The following PRKCB variants were observed in gnomAD, a reference collection of about 807,000 sequenced individuals.
PRKCB encodes protein kinase C beta type.
In PRKCB, 13 loss-of-function variants were observed where a neutral mutation model predicts 81.5. The observed-to-expected ratio is 0.16, with a 90% CI of 0.10 to 0.25. The LOEUF (loss-of-function observed/expected upper bound fraction) is 0.25. Among genes scored for constraint, PRKCB ranks in the 10% least tolerant of loss-of-function variants. PRKCB has a pLI of 1.00. For missense variants in PRKCB, 509 were observed against 875.7 expected, an observed-to-expected ratio of 0.58 and a Z score of 5.29; for synonymous variants, 335 against 321.4, an observed-to-expected ratio of 1.04 and a Z score of -0.45.
intron 5 of PRKCB, among the ~76,000 whole-genome samples, chr16:24,054,979 C>T (rs1965886285): frequency 6.6e-6 from 1 of 152,186 alleles, no homozygotes; most frequent in South Asian, 2.1e-4. Flanking sequence ...GTGGATCCTC[C>T]TCCCCCAGGA....
intron 10 of PRKCB, among the ~76,000 whole-genome samples, chr16:24,159,984 C>T (rs1227169073): frequency 6.6e-6 from 1 of 151,806 alleles, no homozygotes; most frequent in Non-Finnish European, 1.5e-5. Flanking sequence ...TACTTTGTCT[C>T]AAAAAATAAA....
intron 5 of PRKCB, among the ~76,000 whole-genome samples, chr16:24,060,944 T>C (rs927596522): frequency 6.6e-6 from 1 of 152,356 alleles, no homozygotes; most frequent in Admixed American, 6.5e-5. Context: ...TTAAGATGCC[T>C]TGTTTAATGT....
At chr16:24,059,738 G>T (rs1018813497) in intron 5 of PRKCB, among the ~76,000 whole-genome samples, 5 of 152,110 alleles carry the variant, frequency 3.3e-5, no homozygotes, top group African/African-American at 1.2e-4. Flanking sequence ...CCGAGTAAAT[G>T]GTCATAGAAG....
At chr16:23,982,429 T>C (rs1036633273) in intron 2 of PRKCB, among the ~76,000 whole-genome samples, 5 of 151,128 alleles carry the variant, frequency 3.3e-5, no homozygotes, top group Non-Finnish European at 5.9e-5. Context: ...TCTCTTTTCT[T>C]TTTTTTCTGG....
In PRKCB at chr16:23,997,344, TACA is replaced by T. The variant is rs557346214; in HGVS notation, c.288+8760_288+8762del. Among the ~76,000 whole-genome samples, 117 of 152,334 alleles carry T rather than the reference TACA, an allele frequency of 7.7e-4. 1 individual carries two copies. In the South Asian group the frequency reaches 0.014, roughly 19 times the overall value. ...CCTGTGATTAAGATCAATGAAAAAC[TACA>T]ACAACTCAATACAGGCAAAACTATG... On this transcript the variant is annotated intron_variant, in intron 3 of 16. Coordinates refer to ENST00000643927, the MANE Select transcript of PRKCB (RefSeq NM_002738.7).
intron 3 of PRKCB, among the ~76,000 whole-genome samples, chr16:24,010,517 T>C (rs981294989): frequency 6.6e-6 from 1 of 152,176 alleles, no homozygotes; most frequent in African/African-American, 2.4e-5. Flanking sequence ...AAATGGGCTT[T>C]CTTTGGAGAG....
chr16:23,946,588 A>G (rs1425221523), intron 2 of PRKCB, among the ~76,000 whole-genome samples: 1 of 150,520 alleles, frequency 6.6e-6, no homozygotes, highest in East Asian at 1.9e-4. Flanking sequence ...ACGTAGTGTC[A>G]GACACATAAT....
chr16:24,219,889 A>C lies in PRKCB; in HGVS notation c.*5073A>C. The C allele has an allele frequency of 4.5e-6, 7 of 1,549,782 alleles. No homozygotes were observed. The highest frequency in any genetic ancestry group is 6.1e-6 in the Non-Finnish European group (7 of 1,145,086). ...GCTCATGAGATGGTATCAGCCACCC[A>C]ATGACTGGCGTATCTTGGTCCTGTG... On this transcript the variant is annotated 3_prime_UTR_variant, in exon 17 of 17. Transcript: ENST00000643927.
chr16:24,040,979 A>G (rs1228059213), intron 5 of PRKCB, among the ~76,000 whole-genome samples: 1 of 152,178 alleles, frequency 6.6e-6, no homozygotes. Flanking sequence ...AGATCAGGCA[A>G]TACAATGTCC....
Position 24,150,455 on chromosome 16 carries a change from C to A in PRKCB, c.1066-4229C>A, listed in dbSNP as rs939386828. ...AATTCAAATTCTTGGGAGGGGGAAT[C>A]CGATTGGCTTGGCTCAGGTTGAGGA... On this transcript the variant is annotated intron_variant, in intron 9 of 16. Coordinates refer to ENST00000643927, the MANE Select transcript of PRKCB (RefSeq NM_002738.7). Among the ~76,000 whole-genome samples, 5 of 152,304 alleles carry A rather than the reference C, an allele frequency of 3.3e-5. No homozygotes were observed. In the East Asian group the frequency reaches 9.6e-4, roughly 29 times the overall value.
intron 2 of PRKCB, among the ~76,000 whole-genome samples, chr16:23,898,361 T>A (rs765217868): frequency 5.3e-5 from 8 of 152,044 alleles, no homozygotes; most frequent in Admixed American, 1.3e-4. Flanking sequence ...GCCACCGCAC[T>A]GGACCCTGTC....
intron 2 of PRKCB, among the ~76,000 whole-genome samples, chr16:23,859,920 G>A (rs2141089406): frequency 6.6e-6 from 1 of 151,600 alleles, no homozygotes; most frequent in South Asian, 2.1e-4. Flanking sequence ...CGAGAGAGTT[G>A]TCAAGGAAGG....
chr16:24,111,535 T>A (rs1247187994), intron 7 of PRKCB, among the ~76,000 whole-genome samples: 1 of 151,756 alleles, frequency 6.6e-6, no homozygotes, highest in Admixed American at 6.6e-5. Flanking sequence ...GCCTATAATC[T>A]CAGCTACTTG....
intron 7 of PRKCB, among the ~76,000 whole-genome samples, chr16:24,101,520 T>C (rs1966508204): frequency 1.3e-5 from 2 of 152,180 alleles, no homozygotes; most frequent in East Asian, 1.9e-4. Context: ...GCCTAGGCAA[T>C]GGAGAAAGAC....
intron 2 of PRKCB, among the ~76,000 whole-genome samples, chr16:23,949,572 A>G (rs1019085245): frequency 6.6e-6 from 1 of 152,076 alleles, no homozygotes; most frequent in African/African-American, 2.4e-5. Context: ...TCTTCAACAA[A>G]TATTTTTGAG....
chr16:24,022,822 T>C (rs1248757921), intron 3 of PRKCB, among the ~76,000 whole-genome samples: 1 of 152,188 alleles, frequency 6.6e-6, no homozygotes, highest in Non-Finnish European at 1.5e-5. Flanking sequence ...TGATAGTTCC[T>C]GACTTAAATA....
intron 2 of PRKCB, among the ~76,000 whole-genome samples, chr16:23,885,037 A>G (rs1679982795): frequency 6.6e-6 from 1 of 151,946 alleles, no homozygotes; most frequent in Non-Finnish European, 1.5e-5. Context: ...GATAATAGTA[A>G]TGCCTACTTT....
At chr16:23,950,654 G>A (rs560435656) in intron 2 of PRKCB, among the ~76,000 whole-genome samples, 3 of 152,296 alleles carry the variant, frequency 2.0e-5, no homozygotes, top group East Asian at 3.9e-4. Context: ...TCCATTATTG[G>A]GTAGAACAGA....
chr16:23,951,195 C>T (rs147073942), intron 2 of PRKCB, among the ~76,000 whole-genome samples: 131 of 152,332 alleles, frequency 8.6e-4, no homozygotes, highest in Non-Finnish European at 1.5e-3. Flanking sequence ...ATGCCCATTC[C>T]CTTGCATCCA....
Sources: allele counts gnomAD v4.1 joint callset (sites outside exome capture counted in the v4.1 genomes callset), GRCh38; gene constraint gnomAD v4.1.1; transcripts MANE v1.5; gene names NCBI Gene and HGNC (gene_info 2026-07-23, HGNC 2026-07-21).